The following PPARG variants were observed in gnomAD, a reference collection of about 807,000 sequenced individuals.
PPARG encodes the protein peroxisome proliferator activated receptor gamma.
Under a neutral mutation model 39.2 loss-of-function variants are expected in PPARG, and 17 were observed. The observed-to-expected ratio is 0.43, with a 90% CI of 0.30 to 0.65. The LOEUF (loss-of-function observed/expected upper bound fraction) is 0.65, where lower values mean the gene tolerates loss of function less well. Ranked by LOEUF, PPARG falls within the 30% of genes least tolerant of loss-of-function variation. The pLI is 0.13. For synonymous variants in PPARG, 223 were observed against 215.7 expected (o/e 1.03, Z -0.30); for missense variants, 406 against 585.9 (o/e 0.69, Z 3.17).
chr3:12,292,778 C>A (rs747947134), intron 1 of PPARG, among the ~76,000 whole-genome samples: 25 of 152,076 alleles, frequency 1.6e-4, no homozygotes, highest in Non-Finnish European at 3.2e-4. Flanking sequence ...TAACAGCACA[C>A]GGGGTGATGG....
intron 2 of PPARG, among the ~76,000 whole-genome samples, chr3:12,322,812 G>T (rs1475409036): frequency 5.9e-5 from 9 of 151,956 alleles, no homozygotes; most frequent in East Asian, 1.9e-4. Context: ...TTGTTTGTTT[G>T]TTTTTTTCAG....
intron 1 of PPARG, among the ~76,000 whole-genome samples, chr3:12,308,131 A>G (rs556489100): frequency 9.2e-5 from 14 of 152,000 alleles, no homozygotes; most frequent in South Asian, 2.1e-4. Context: ...TTGGGAGGCC[A>G]AGGCGGGTTA....
intron 1 of PPARG, among the ~76,000 whole-genome samples, chr3:12,289,848 T>C (rs1473563950): frequency 2.6e-5 from 4 of 152,184 alleles, no homozygotes; most frequent in Non-Finnish European, 4.4e-5. Context: ...AAACATTCTG[T>C]TCAAGTTTTA....
In PPARG at chr3:12,340,442, G is replaced by A. The variant is rs960748143; in HGVS notation, c.-9+27989G>A. 5.9e-5 allele frequency among the ~76,000 whole-genome samples: 9 copies of A among 152,150 alleles called. No homozygotes were observed. The East Asian group carries it at 9.6e-4, about 16-fold the overall frequency. On this transcript the variant is annotated intron_variant, in intron 2 of 7. Coordinates refer to ENST00000651735, the MANE Select transcript of PPARG (RefSeq NM_138711.6). ...TTTTTATTTTTATTGCGGGGGAGAG[G>A]TGCTTACTTTAGAGTGGTAAAAGTT... is the stretch of plus-strand genomic sequence containing the variant.
chr3:12,430,070 A>G (rs1475362804), intron 7 of PPARG, among the ~76,000 whole-genome samples: 1 of 152,230 alleles, frequency 6.6e-6, no homozygotes, highest in East Asian at 1.9e-4. Flanking sequence ...AACTTAGAAG[A>G]ATATTTAGAG....
Position 12,434,198 on chromosome 3 carries a change from T to G in PPARG, c.*53T>G. ...TTCCCTTCTTCCAGTTGCACTATTC[T>G]GAGGGAAAATCTGACACCTAAGAAA... On this transcript the variant is annotated 3_prime_UTR_variant, in exon 8 of 8. Coordinates refer to ENST00000651735, the MANE Select transcript of PPARG (RefSeq NM_138711.6). This position sits in a 1 kb window ranked among gnomAD's most constrained non-coding sequence, Gnocchi z 4.2. 6.2e-7 allele frequency: 1 copy of G among 1,611,636 alleles called. No individual in the cohort carries two copies. Among genetic ancestry groups the G allele is most frequent in the East Asian group, 2.2e-5 (1 of 44,876 alleles).
intron 1 of PPARG, among the ~76,000 whole-genome samples, chr3:12,302,582 A>C (rs1357610227): frequency 6.6e-6 from 1 of 152,244 alleles, no homozygotes; most frequent in African/African-American, 2.4e-5. Flanking sequence ...TTTCCAGTAT[A>C]AGAAAACAAA....
At chr3:12,407,535 CT>C (rs1455892513) in intron 6 of PPARG, among the ~76,000 whole-genome samples, 1 of 152,200 alleles carries the variant, frequency 6.6e-6, no homozygotes, top group Non-Finnish European at 1.5e-5. Flanking sequence ...GCTGTAAGAA[CT>C]GCAGAACACA....
chr3:12,303,914 T>C (rs1302558729), intron 1 of PPARG, among the ~76,000 whole-genome samples: 1 of 152,260 alleles, frequency 6.6e-6, no homozygotes, highest in Non-Finnish European at 1.5e-5. Context: ...TAACTGGCTG[T>C]ATTGGAACAC....
intron 2 of PPARG, among the ~76,000 whole-genome samples, chr3:12,345,271 G>A (rs989256257): frequency 5.3e-5 from 8 of 152,176 alleles, no homozygotes; most frequent in African/African-American, 9.6e-5. Context: ...AAATGACTCC[G>A]TGAACTGATG....
intron 2 of PPARG, among the ~76,000 whole-genome samples, chr3:12,372,423 T>C (rs1411306585): frequency 1.3e-5 from 2 of 152,192 alleles, no homozygotes; most frequent in African/African-American, 4.8e-5. Flanking sequence ...TCCAGGTCCA[T>C]GCCTCAGTTT....
chr3:12,408,801 G>A (rs1195024301), intron 6 of PPARG, among the ~76,000 whole-genome samples: 1 of 150,178 alleles, frequency 6.7e-6, no homozygotes, highest in African/African-American at 2.5e-5. Flanking sequence ...TAGAAATCCT[G>A]TCAACTTAAT....
chr3:12,365,009 G>T (rs969944822), intron 2 of PPARG, among the ~76,000 whole-genome samples: 6 of 152,158 alleles, frequency 3.9e-5, no homozygotes, highest in Non-Finnish European at 5.9e-5. Context: ...TTTTTCCATG[G>T]ACTGGGGTGG....
At chr3:12,330,003 C>T (rs1191218727) in intron 2 of PPARG, among the ~76,000 whole-genome samples, 1 of 152,166 alleles carries the variant, frequency 6.6e-6, no homozygotes, top group African/African-American at 2.4e-5. Flanking sequence ...TATTCCCTTG[C>T]ATGGATATAT....
intron 5 of PPARG, among the ~76,000 whole-genome samples, chr3:12,401,909 G>C (rs1391527508): frequency 2.0e-5 from 3 of 152,182 alleles, no homozygotes; most frequent in African/African-American, 7.2e-5. Flanking sequence ...TTATAGCAGA[G>C]GGATCTCACT....
At chr3:12,354,226 A>G (rs1284569340) in intron 2 of PPARG, among the ~76,000 whole-genome samples, 1 of 152,218 alleles carries the variant, frequency 6.6e-6, no homozygotes. Context: ...GTACCAGGGA[A>G]TATAAGGACC....
In PPARG at chr3:12,434,093, C is replaced by T; in HGVS notation, c.1376C>T (p.Thr459Ile). ...QLLQVIKKTE[T>I]DMSLHPLLQE... ...CTGCAGGTGATCAAGAAGACGGAGA[C>T]AGACATGAGTCTTCACCCGCTCCTG... The change falls in exon 8 of 8, where the codon ACA (threonine) becomes ATA (isoleucine). Residue 459 changes from threonine to isoleucine, a missense_variant. This residue lies in a region of PPARG where 275 missense variants were observed against 458.0 expected (regional missense o/e 0.60). Coordinates refer to ENST00000651735, the MANE Select transcript of PPARG (RefSeq NM_138711.6). This position sits in a 1 kb window ranked among gnomAD's most constrained non-coding sequence, Gnocchi z 4.2. 6.2e-7 allele frequency: 1 copy of T among 1,614,184 alleles called. No homozygotes were observed.
chr3:12,293,670 A>C (rs2046706145), intron 1 of PPARG, among the ~76,000 whole-genome samples: 1 of 152,194 alleles, frequency 6.6e-6, no homozygotes, highest in African/African-American at 2.4e-5. Context: ...ACATTGTAGG[A>C]CATCTCAGTT....
intron 6 of PPARG, chr3:12,406,986 G>T (rs1206319113): frequency 6.6e-6 from 1 of 152,164 alleles, no homozygotes; most frequent in Non-Finnish European, 1.5e-5. Context: ...AGAAAACCCA[G>T]AATGGGTTGT....
Sources: gnomAD v4.1 joint callset for allele counts (sites outside exome capture counted in the v4.1 genomes callset) on GRCh38, gnomAD v4.1.1 for gene constraint, gnomAD v4.1.1 regional missense constraint, Gnocchi (gnomAD v3.1) non-coding constraint, MANE v1.5 for transcripts, NCBI Gene and HGNC (gene_info 2026-07-23, HGNC 2026-07-21) for gene names.